TTC5: variants seen among roughly 807,000 people sequenced by gnomAD.
The protein encoded by TTC5 is tetratricopeptide repeat domain 5.
In TTC5, 46 loss-of-function variants were observed where a neutral mutation model predicts 57.4. That is an observed-to-expected ratio of 0.80 (90% confidence interval 0.63 to 1.03). The LOEUF is 1.03. TTC5 is among the 50% of genes least tolerant of loss of function. The pLI is 0.00. For missense variants in TTC5, 504 were observed against 528.1 expected (o/e 0.95, Z 0.45); for synonymous variants, 190 against 203.5 (o/e 0.93, Z 0.57).
Position 20,295,829 on chromosome 14 carries a change from C to A in TTC5, c.722G>T (p.Gly241Val). ...ATLHKYEESY[G>V]EALEGFSRAA... The stretch of plus-strand genomic sequence containing the variant: ...CCGAGAGAAGCCCTCCAGGGCCTCC[C>A]CATAACTCTCTTCATATTTATGCAA... The change falls in exon 7 of 10, where the codon GGG becomes GTG. Residue 241 changes from glycine to valine, a missense_variant. Gly to Val is a moderately radical substitution (Grantham distance 109). Transcript: ENST00000258821. 1 of 1,589,438 alleles carries A rather than the reference C, an allele frequency of 6.3e-7. No homozygotes were observed. The highest frequency in any genetic ancestry group is 1.2e-5 in the South Asian group (1 of 86,754).
At position 20,292,036 on chromosome 14, in the gene TTC5, C is replaced by G. The variant is rs764004831; in HGVS notation, c.1150G>C (p.Val384Leu). 2 of 1,596,850 alleles carry G rather than the reference C, an allele frequency of 1.3e-6. No individual in the cohort carries two copies. The highest frequency in any genetic ancestry group is 2.3e-5 in the South Asian group (2 of 88,646). Residue 384 changes from valine (V) to leucine (L), a missense_variant, in exon 9 of 10, where the codon GTA (valine) becomes CTA (leucine). Transcript: ENST00000258821. ...CGCAGGTTGGGCTCAGGAATGGCTA[C>G]AGAGTCTCCAATGAGCACTCCCCAG... Reference protein sequence around the residue: ...QSWGVLIGDSVAIPEPNLRLH... With the variant: ...QSWGVLIGDSLAIPEPNLRLH...
chr14:20,305,040 G>T (rs1882263038), intron 1 of TTC5, among the ~76,000 whole-genome samples: 1 of 152,090 alleles, frequency 6.6e-6, no homozygotes, highest in South Asian at 2.1e-4. Context: ...TATAGAACCA[G>T]AATTGAGAAT....
At chr14:20,295,177 G>A (rs186516709) in intron 8 of TTC5, 135 bp downstream of exon 8, 39 of 758,512 alleles carry the variant, frequency 5.1e-5, no homozygotes, top group East Asian at 5.1e-4. Context: ...ATCTGCCCAC[G>A]GGATAGTCAC....
At position 20,287,934 on chromosome 14, in the gene TTC5, G is replaced by C. The variant is rs1186902564; in HGVS notation, c.*1693C>G. ...TTAAGACTCCATATGTGGTATAACA[G>C]ACAGTACTTCTAATAAAAACTGTCT... On this transcript the variant is annotated 3_prime_UTR_variant, in exon 10 of 10. Coordinates refer to ENST00000258821, the MANE Select transcript of TTC5 (RefSeq NM_138376.3). The C allele has an allele frequency of 6.6e-6, 1 of 152,176 alleles. No homozygotes were observed. Among genetic ancestry groups the C allele is most frequent in the East Asian group, 1.9e-4 (1 of 5,194 alleles). 9.4% of individuals were successfully genotyped at this position (152,176 alleles called of 1,614,324 possible).
intron 6 of TTC5, 43 bp from the exon 7 acceptor site, chr14:20,295,897 A>T (rs1882053256): frequency 6.6e-7 from 1 of 1,513,030 alleles, no homozygotes; most frequent in Non-Finnish European, 8.8e-7. Flanking sequence ...ATCCAGACAA[A>T]CTATCCCGAG....
At chr14:20,292,225 T>C (rs1187666975) in intron 8 of TTC5, 98 bp from the exon 9 acceptor site, 3 of 838,838 alleles carry the variant, frequency 3.6e-6, no homozygotes, top group Admixed American at 3.1e-5. Context: ...AGCAAAATAC[T>C]GGACTTAAAG....
At chr14:20,291,906 A>C (rs1167087360) in intron 9 of TTC5, 77 bp downstream of exon 9, 3 of 1,272,950 alleles carry the variant, frequency 2.4e-6, no homozygotes, top group Non-Finnish European at 3.0e-6. Context: ...AATTATTTCT[A>C]TATCTTTTAT....
At chr14:20,303,610 C>T (rs1016872444) in intron 1 of TTC5, among the ~76,000 whole-genome samples, 3 of 152,202 alleles carry the variant, frequency 2.0e-5, no homozygotes, top group Non-Finnish European at 4.4e-5. Flanking sequence ...GCTTCTTAAC[C>T]AGTCATCTTG....
chr14:20,300,143 G>A (rs372268121), intron 3 of TTC5, among the ~76,000 whole-genome samples: 3 of 27,170 alleles, frequency 1.1e-4, no homozygotes, highest in Non-Finnish European at 2.5e-4. Flanking sequence ...TCTGGTCCAT[G>A]TATATATATA....
Position 20,305,934 on chromosome 14 carries a change from T to A in TTC5, c.4A>T (p.Met2Leu), listed in dbSNP as rs150322535. The A allele has an allele frequency of 2.5e-6, 4 of 1,613,944 alleles. No homozygotes were observed. In the African/African-American group the frequency reaches 4.0e-5, roughly 16 times the overall value. Residue 2 changes from methionine to leucine, a missense_variant, in exon 1 of 10, where the codon ATG becomes TTG. Transcript: ENST00000258821. M[M>L]ADEEEEVKPI... ...TTGACTTCTTCCTCTTCATCAGCCA[T>A]CATCTCCCGGCCACTCCACCCCCAA... is the stretch of plus-strand genomic sequence containing the variant.
chr14:20,290,540 G>A (rs191595556), intron 9 of TTC5, among the ~76,000 whole-genome samples: 1 of 152,114 alleles, frequency 6.6e-6, no homozygotes, highest in East Asian at 1.9e-4. Flanking sequence ...TTTCCAACCA[G>A]AGTTGAGAAA....
chr14:20,289,386 T>TAG lies in TTC5; in HGVS notation c.*239_*240dup. 2.9e-6 allele frequency: 1 copy of TAG among 342,752 alleles called. No individual in the cohort carries two copies. The highest frequency in any genetic ancestry group is 5.3e-6 in the Non-Finnish European group (1 of 188,194). 21.2% of individuals were successfully genotyped at this position (342,752 alleles called of 1,614,324 possible). A position where few individuals can be genotyped will look rare whatever the true frequency, so the allele number is the denominator to read the frequency against. On this transcript the variant is annotated 3_prime_UTR_variant, in exon 10 of 10. Coordinates refer to ENST00000258821, the MANE Select transcript of TTC5 (RefSeq NM_138376.3). ...AATTCCATGCTCTTTGCTTAAAACATAGAGAGCAGTGGAAGAGACAGGAGA... is the reference window on the plus strand; with the variant it reads ...AATTCCATGCTCTTTGCTTAAAACATAGAGAGAGCAGTGGAAGAGACAGGAGA...
intron 2 of TTC5, among the ~76,000 whole-genome samples, chr14:20,301,606 A>G (rs940211500): frequency 5.3e-5 from 8 of 152,260 alleles, no homozygotes; most frequent in Non-Finnish European, 1.0e-4. Flanking sequence ...GATTACTGCA[A>G]TAGTTCAAGT....
At position 20,286,746 on chromosome 14, in the gene TTC5, T is replaced by TG. The variant is rs1881846333; in HGVS notation, c.*2880_*2881insC. 3 of 146,454 alleles carry TG rather than the reference T, an allele frequency of 2.0e-5. No homozygotes were observed. Among genetic ancestry groups the TG allele is most frequent in the Admixed American group, 2.0e-4 (3 of 14,784 alleles). The allele number at this position is 146,454 out of a possible 1,614,324, so 9.1% of individuals were successfully genotyped here. On this transcript the variant is annotated 3_prime_UTR_variant, in exon 10 of 10. Coordinates refer to ENST00000258821, the MANE Select transcript of TTC5 (RefSeq NM_138376.3). ...CTGTTCAGCAAAAGACCCAATAGAA[T>TG]AAAAAAAAAAACAGGATAAAACTGT...
At chr14:20,291,897 A>C in intron 9 of TTC5, 86 bp downstream of exon 9, 1 of 1,237,750 alleles carries the variant, frequency 8.1e-7, no homozygotes, top group Non-Finnish European at 1.0e-6. Flanking sequence ...CTTACATATA[A>C]TTATTTCTAT....
chr14:20,305,918 T>C lies in TTC5; in HGVS notation c.20A>G (p.Glu7Gly), dbSNP rs1176673939. 1 of 1,614,106 alleles carries C rather than the reference T, an allele frequency of 6.2e-7. No individual in the cohort carries two copies. Among genetic ancestry groups the C allele is most frequent in the South Asian group, 1.1e-5 (1 of 91,084 alleles). MMADEE[E>G]EVKPILQKLQ... is the part of the protein sequence containing the mutation. ...TTTCTGCAAGATCGGCTTGACTTCT[T>C]CCTCTTCATCAGCCATCATCTCCCG... Residue 7 changes from glutamate (E) to glycine (G), a missense_variant, in exon 1 of 10, where the codon GAA becomes GGA. Physicochemically the swap from Glu to Gly is moderately conservative, Grantham distance 98. Coordinates refer to ENST00000258821, the MANE Select transcript of TTC5 (RefSeq NM_138376.3).
intron 1 of TTC5, among the ~76,000 whole-genome samples, chr14:20,303,765 A>C (rs1594267801): frequency 6.6e-6 from 1 of 152,174 alleles, no homozygotes; most frequent in Non-Finnish European, 1.5e-5. Flanking sequence ...GTATGAGCTG[A>C]CCTACCACCA....
At chr14:20,291,595 G>C (rs985283775) in intron 9 of TTC5, among the ~76,000 whole-genome samples, 2 of 151,900 alleles carry the variant, frequency 1.3e-5, no homozygotes, top group Non-Finnish European at 2.9e-5. Flanking sequence ...TACTCAATGT[G>C]GTGAAATATG....
Position 20,301,733 on chromosome 14 carries a change from A to G in TTC5, c.184+100T>C, listed in dbSNP as rs1256844384. 13 of 1,461,972 alleles carry G rather than the reference A, an allele frequency of 8.9e-6. No homozygotes were observed. In the East Asian group the frequency reaches 3.0e-4, roughly 33 times the overall value. 90.6% of individuals were successfully genotyped at this position (1,461,972 alleles called of 1,614,324 possible). On this transcript the variant is annotated intron_variant, in intron 2 of 9. Transcript: ENST00000258821. ...GTAGTATTACGTTGTACTACCCTATAGCAGTAACAGATAGGATACCAAAGA... is the reference window on the plus strand; with the variant it reads ...GTAGTATTACGTTGTACTACCCTATGGCAGTAACAGATAGGATACCAAAGA...
Sources: gnomAD v4.1 joint callset for allele counts (sites outside exome capture counted in the v4.1 genomes callset) on GRCh38, gnomAD v4.1.1 for gene constraint, MANE v1.5 for transcripts, NCBI Gene and HGNC (gene_info 2026-07-23, HGNC 2026-07-21) for gene names.